The following PHF20 variants were observed in gnomAD, a reference collection of about 807,000 sequenced individuals.
PHF20 encodes the protein glioma-expressed antigen 2.
PHF20 carries 23 observed loss-of-function variants against 113.5 expected under a neutral mutation model. The observed-to-expected ratio is 0.20, with a 90% confidence interval of 0.15 to 0.29. The LOEUF is 0.29. Among genes scored for constraint, PHF20 ranks in the 10% least tolerant of loss-of-function variants. The pLI is 1.00. For missense variants in PHF20, 943 were observed against 1,219.6 expected, an observed-to-expected ratio of 0.77 and a Z score of 3.38; for synonymous variants, 434 against 457.3, an observed-to-expected ratio of 0.95 and a Z score of 0.65.
At chr20:35,893,046 C>G (rs1422970003) in intron 9 of PHF20, among the ~76,000 whole-genome samples, 2 of 152,234 alleles carry the variant, frequency 1.3e-5, no homozygotes, top group African/African-American at 2.4e-5. Context: ...TCCTGAGGAG[C>G]ATCCGTGCTC....
intron 4 of PHF20, among the ~76,000 whole-genome samples, chr20:35,856,708 A>C (rs1414766784): frequency 6.6e-6 from 1 of 152,200 alleles, no homozygotes; most frequent in Non-Finnish European, 1.5e-5. Context: ...AAAAGCCCGG[A>C]AGCTTTTACA....
At chr20:35,848,502 C>T (rs1409418155) in intron 4 of PHF20, among the ~76,000 whole-genome samples, 4 of 152,058 alleles carry the variant, frequency 2.6e-5, no homozygotes, top group South Asian at 2.1e-4. Flanking sequence ...CCACCCACCT[C>T]GGCCTCCCAA....
At chr20:35,814,239 A>C (rs2146887986) in intron 2 of PHF20, among the ~76,000 whole-genome samples, 1 of 151,642 alleles carries the variant, frequency 6.6e-6, no homozygotes, top group East Asian at 2.0e-4. Flanking sequence ...TATTTTTTTG[A>C]GATAGTCTTG....
intron 6 of PHF20, among the ~76,000 whole-genome samples, chr20:35,868,626 A>G (rs2054361423): frequency 1.3e-5 from 2 of 151,118 alleles, no homozygotes; most frequent in Non-Finnish European, 2.9e-5. Context: ...GCAAGCAAGC[A>G]AGCAAGCAAG....
At chr20:35,919,880 C>T (rs1030379437) in intron 13 of PHF20, among the ~76,000 whole-genome samples, 5 of 152,196 alleles carry the variant, frequency 3.3e-5, no homozygotes, top group African/African-American at 1.2e-4. Context: ...ATGAATTCCT[C>T]TGCTGGTCTT....
At chr20:35,827,729 G>A (rs1230366588) in intron 2 of PHF20, among the ~76,000 whole-genome samples, 8 of 149,286 alleles carry the variant, frequency 5.4e-5, no homozygotes, top group African/African-American at 2.0e-4. Context: ...CTTGCAGTGA[G>A]CCAAGATGAC....
intron 9 of PHF20, among the ~76,000 whole-genome samples, chr20:35,892,469 G>A (rs113174146): frequency 1.4e-4 from 22 of 151,898 alleles, no homozygotes; most frequent in African/African-American, 5.3e-4. Context: ...TCAGCCTCCC[G>A]AAGTGTTGGG....
intron 2 of PHF20, among the ~76,000 whole-genome samples, chr20:35,827,312 C>T (rs2042278698): frequency 6.6e-6 from 1 of 152,206 alleles, no homozygotes; most frequent in Non-Finnish European, 1.5e-5. Flanking sequence ...TGTTTGCAGA[C>T]AAACTGTTTA....
chr20:35,775,251 G>A (rs75182396), intron 1 of PHF20, among the ~76,000 whole-genome samples: 6,117 of 152,252 alleles, frequency 0.04, 155 homozygotes, highest in Non-Finnish European at 0.061. Flanking sequence ...TGATTTGCAG[G>A]TGATGCTGAT....
chr20:35,789,259 C>G (rs112837782), intron 1 of PHF20, among the ~76,000 whole-genome samples: 1 of 151,686 alleles, frequency 6.6e-6, no homozygotes, highest in Non-Finnish European at 1.5e-5. Context: ...GAGACTAGCC[C>G]GTCTCTAGTA....
chr20:35,865,950 T>G (rs1439947011), intron 6 of PHF20, among the ~76,000 whole-genome samples: 1 of 152,004 alleles, frequency 6.6e-6, no homozygotes, highest in Non-Finnish European at 1.5e-5. Context: ...GGTTCATGCC[T>G]GTAATCCCAG....
chr20:35,776,243 G>C (rs2041172602), intron 1 of PHF20, among the ~76,000 whole-genome samples: 1 of 152,200 alleles, frequency 6.6e-6, no homozygotes, highest in African/African-American at 2.4e-5. Context: ...GGGAGTCTGT[G>C]ATACCCCAAA....
chr20:35,820,160 A>T (rs948604188), intron 2 of PHF20, among the ~76,000 whole-genome samples: 1 of 152,190 alleles, frequency 6.6e-6, no homozygotes, highest in African/African-American at 2.4e-5. Context: ...AATTAAATAT[A>T]TTATGAGGAG....
chr20:35,875,481 T>C (rs1200196306), intron 9 of PHF20, among the ~76,000 whole-genome samples: 4 of 152,262 alleles, frequency 2.6e-5, no homozygotes, highest in East Asian at 3.9e-4. Context: ...GTTCTCTGTC[T>C]AGCTTCGTCC....
intron 15 of PHF20, among the ~76,000 whole-genome samples, chr20:35,933,127 G>A (rs2055793145): frequency 6.7e-6 from 1 of 149,758 alleles, no homozygotes; most frequent in Admixed American, 6.7e-5. Context: ...TTTAACAAGA[G>A]ATGGAGTCTT....
chr20:35,944,369 T>C lies in PHF20; in HGVS notation c.2897-3116T>C, dbSNP rs115744828. Among the ~76,000 whole-genome samples, 284 of 152,282 alleles carry C rather than the reference T, an allele frequency of 1.9e-3. 1 individual carries two copies. Among genetic ancestry groups the C allele is most frequent in the African/African-American group, 6.5e-3 (271 of 41,562 alleles). On this transcript the variant is annotated intron_variant, in intron 17 of 17. Coordinates refer to ENST00000374012, the MANE Select transcript of PHF20 (RefSeq NM_016436.5). ...TTCCAGTCTGAGCGTTGGTGCGCTT[T>C]CACACTGTGCATGCCTCCTGGGCCA... is the stretch of plus-strand genomic sequence containing the variant.
chr20:35,794,737 A>G (rs1045207443), intron 1 of PHF20, among the ~76,000 whole-genome samples: 3 of 152,098 alleles, frequency 2.0e-5, no homozygotes, highest in African/African-American at 7.2e-5. Flanking sequence ...GTCTTGTTCC[A>G]TACCCATCTA....
intron 6 of PHF20, among the ~76,000 whole-genome samples, chr20:35,868,615 A>AGCAG (rs2054361265): frequency 6.7e-6 from 1 of 148,832 alleles, no homozygotes; most frequent in Admixed American, 6.6e-5. Flanking sequence ...CAAAAAAACA[A>AGCAG]GCAAGCAAGC....
At position 35,831,613 on chromosome 20, in the gene PHF20, G is replaced by A. The variant is rs545026316; in HGVS notation, c.84-10960G>A. Among the ~76,000 whole-genome samples the A allele has an allele frequency of 8.7e-4, 133 of 152,232 alleles. 2 individuals carry two copies. In the South Asian group the frequency reaches 0.02, roughly 23 times the overall value. On this transcript the variant is annotated intron_variant, in intron 2 of 17. Coordinates refer to ENST00000374012, the MANE Select transcript of PHF20 (RefSeq NM_016436.5). ...TTAAGTAGCTAGGACTACAGGCCTGGCTAATTTTTAAAACTTTTTGTAGAG... is the reference window on the plus strand; with the variant it reads ...TTAAGTAGCTAGGACTACAGGCCTGACTAATTTTTAAAACTTTTTGTAGAG...
Sources: gnomAD v4.1 joint callset for allele counts (sites outside exome capture counted in the v4.1 genomes callset) on GRCh38, gnomAD v4.1.1 for gene constraint, MANE v1.5 for transcripts, NCBI Gene and HGNC (gene_info 2026-07-23, HGNC 2026-07-21) for gene names.